Variants in PHKB observed in about 807,000 individuals in gnomAD.
PHKB encodes phosphorylase kinase regulatory subunit beta.
Under a neutral mutation model 152.1 loss-of-function variants are expected in PHKB, and 122 were observed. That is an observed-to-expected ratio of 0.80 (90% CI 0.69 to 0.93). PHKB has a LOEUF of 0.93. PHKB is among the 40% of genes least tolerant of loss of function. The pLI, the probability that PHKB is intolerant of heterozygous loss-of-function variation, is 0.00. For missense variants in PHKB, 1,304 were observed against 1,328.4 expected, an observed-to-expected ratio of 0.98 and a Z score of 0.29; for synonymous variants, 436 against 464.9, an observed-to-expected ratio of 0.94 and a Z score of 0.80.
chr16:47,564,350 CT>C (rs1367204548), intron 7 of PHKB, among the ~76,000 whole-genome samples: 1 of 151,982 alleles, frequency 6.6e-6, no homozygotes, highest in East Asian at 1.9e-4. Flanking sequence ...TGTTTTTTGA[CT>C]TTTTAATAAT....
At chr16:47,467,885 T>C (rs1969696261) in intron 1 of PHKB, among the ~76,000 whole-genome samples, 1 of 152,170 alleles carries the variant, frequency 6.6e-6, no homozygotes. Flanking sequence ...CCCTAGAATT[T>C]CTGATTCTGA....
intron 1 of PHKB, among the ~76,000 whole-genome samples, chr16:47,496,229 T>C (rs759087086): frequency 1.1e-4 from 17 of 151,892 alleles, no homozygotes; most frequent in Non-Finnish European, 1.9e-4. Flanking sequence ...AATTGTGACC[T>C]TGAGTTGTTT....
intron 6 of PHKB, among the ~76,000 whole-genome samples, chr16:47,533,414 A>T (rs1048081872): frequency 1.3e-5 from 2 of 152,154 alleles, no homozygotes; most frequent in African/African-American, 4.8e-5. Flanking sequence ...CCTTCTGCCC[A>T]GGAACCTGTC....
chr16:47,621,733 A>G (rs1246302245), intron 14 of PHKB, among the ~76,000 whole-genome samples: 2 of 152,234 alleles, frequency 1.3e-5, no homozygotes, highest in East Asian at 3.8e-4. Flanking sequence ...TAGTCAAGGC[A>G]TCAAAGATGC....
chr16:47,611,928 G>A (rs1474731442), intron 14 of PHKB, among the ~76,000 whole-genome samples: 1 of 152,182 alleles, frequency 6.6e-6, no homozygotes, highest in Non-Finnish European at 1.5e-5. Context: ...AGCTCTTTAT[G>A]TAAGGGGGTA....
chr16:47,472,502 G>A (rs1178816961), intron 1 of PHKB, among the ~76,000 whole-genome samples: 1 of 152,132 alleles, frequency 6.6e-6, no homozygotes, highest in African/African-American at 2.4e-5. Flanking sequence ...CAAAAATTAG[G>A]CTGGGTGCGG....
rs778012017 is a variant in PHKB, at chr16:47,698,582, AAAAC to A, written c.3141_3144del (p.Gln1048MetfsTer3). On this transcript the variant is annotated frameshift_variant and splice_region_variant, in exon 30 of 31. Transcript: ENST00000323584. LOFTEE classifies it high-confidence loss of function. The stretch of plus-strand genomic sequence containing the variant: ...ATCAGAGTCGGCTAAAGGAAATTGA[AAAAC>A]AAGTAAGTACACAGCTTTTTTTTTT... The A allele has an allele frequency of 5.6e-6, 9 of 1,603,564 alleles. No homozygotes were observed. The highest frequency in any genetic ancestry group is 1.1e-5 in the South Asian group (1 of 89,892).
chr16:47,518,179 TC>T (rs1289848967), intron 6 of PHKB, among the ~76,000 whole-genome samples: 3 of 152,196 alleles, frequency 2.0e-5, no homozygotes, highest in Non-Finnish European at 4.4e-5. Flanking sequence ...ACCGTTTATT[TC>T]CTTCTCTATT....
In PHKB at chr16:47,689,207, C is replaced by T. The variant is rs370879601; in HGVS notation, c.2765+32C>T. 8 of 1,601,376 alleles carry T rather than the reference C, an allele frequency of 5.0e-6. No individual in the cohort carries two copies. The African/African-American group carries it at 8.0e-5, about 16-fold the overall frequency. On this transcript the variant is annotated intron_variant, in intron 27 of 30. Coordinates refer to ENST00000323584, the MANE Select transcript of PHKB (RefSeq NM_000293.3). ...AGGGCCCCTTGTTACCTACATGATA[C>T]TCTGGATTTACAATAACATCATAAT...
intron 20 of PHKB, among the ~76,000 whole-genome samples, chr16:47,652,385 T>A (rs1223336392): frequency 6.6e-6 from 1 of 150,708 alleles, no homozygotes; most frequent in Non-Finnish European, 1.5e-5. Context: ...TGGTCTTTTT[T>A]TTTTTTTTTT....
chr16:47,669,444 A>G (rs565233532), intron 26 of PHKB, 27 bp downstream of exon 26: 213 of 1,602,720 alleles, frequency 1.3e-4, no homozygotes, highest in Admixed American at 2.2e-4. Flanking sequence ...GCATTTGCAT[A>G]AAGAGAATTG....
chr16:47,557,212 C>T (rs1971389254), intron 7 of PHKB, among the ~76,000 whole-genome samples: 1 of 152,164 alleles, frequency 6.6e-6, no homozygotes, highest in South Asian at 2.1e-4. Context: ...CCCTTCCTTA[C>T]ACCTTATACA....
At chr16:47,684,133 A>C (rs1458740624) in intron 26 of PHKB, among the ~76,000 whole-genome samples, 1 of 151,422 alleles carries the variant, frequency 6.6e-6, no homozygotes, top group East Asian at 2.0e-4. Flanking sequence ...CAGGAGTTTG[A>C]GACCAGTTGG....
intron 20 of PHKB, among the ~76,000 whole-genome samples, chr16:47,652,739 C>T (rs1176052609): frequency 6.6e-6 from 1 of 152,052 alleles, no homozygotes; most frequent in African/African-American, 2.4e-5. Context: ...ACCACCTAAG[C>T]TCAAGGGATC....
intron 14 of PHKB, among the ~76,000 whole-genome samples, chr16:47,635,491 C>T (rs919361228): frequency 9.9e-5 from 15 of 152,172 alleles, no homozygotes; most frequent in Non-Finnish European, 2.1e-4. Context: ...ATGACTTACA[C>T]ATTTTTTGGC....
intron 27 of PHKB, among the ~76,000 whole-genome samples, chr16:47,692,927 C>CT (rs1287820696): frequency 6.6e-6 from 1 of 151,996 alleles, no homozygotes; most frequent in Non-Finnish European, 1.5e-5. Context: ...TATTCATTCA[C>CT]TTTTTAAGTG....
chr16:47,654,247 A>G (rs1317500999), intron 20 of PHKB, among the ~76,000 whole-genome samples: 3 of 152,196 alleles, frequency 2.0e-5, no homozygotes, highest in African/African-American at 7.2e-5. Flanking sequence ...CAAAACCACA[A>G]AGAGATACCA....
At chr16:47,540,466 G>A (rs1971034114) in intron 6 of PHKB, among the ~76,000 whole-genome samples, 1 of 152,018 alleles carries the variant, frequency 6.6e-6, no homozygotes, top group Non-Finnish European at 1.5e-5. Flanking sequence ...CCTACTCCCT[G>A]TTCTTGCACC....
chr16:47,517,471 G>A (rs1220001511), intron 6 of PHKB, among the ~76,000 whole-genome samples: 16 of 151,950 alleles, frequency 1.1e-4, no homozygotes, highest in Non-Finnish European at 1.9e-4. Context: ...TGCCCAGGCT[G>A]TTCTCGATCT....
Sources: gnomAD v4.1 joint callset for allele counts (sites outside exome capture counted in the v4.1 genomes callset) on GRCh38, gnomAD v4.1.1 for gene constraint, MANE v1.5 for transcripts, NCBI Gene and HGNC (gene_info 2026-07-23, HGNC 2026-07-21) for gene names.